The following CNTN4 variants were observed in gnomAD, a reference collection of about 807,000 sequenced individuals.
CNTN4 encodes contactin 4, also known as contactin-4.
A neutral mutation model predicts 122.5 loss-of-function variants in CNTN4; 77 were observed. The ratio of observed to expected loss-of-function variants is 0.63; its 90% CI spans 0.52 to 0.76. The LOEUF (loss-of-function observed/expected upper bound fraction) is 0.76. Ranked by LOEUF, CNTN4 falls within the 30% of genes least tolerant of loss-of-function variation. The pLI, the probability that CNTN4 is intolerant of heterozygous loss-of-function variation, is 0.00. For synonymous variants in CNTN4, 512 were observed against 447.0 expected, an observed-to-expected ratio of 1.15 and a Z score of -1.83; for missense variants, 1,256 against 1,259.1, an observed-to-expected ratio of 1.00 and a Z score of 0.04.
chr3:2,935,770 G>A (rs2094562387), intron 13 of CNTN4, among the ~76,000 whole-genome samples: 1 of 152,158 alleles, frequency 6.6e-6, no homozygotes, highest in Admixed American at 6.6e-5. Flanking sequence ...GAGGCTGAAA[G>A]GGCCATGCTG....
chr3:2,554,078 C>T (rs957033072), intron 3 of CNTN4, among the ~76,000 whole-genome samples: 23 of 152,262 alleles, frequency 1.5e-4, no homozygotes, highest in Non-Finnish European at 3.1e-4. Context: ...CCTTGTTCAG[C>T]TTTACTCCTG....
intron 8 of CNTN4, 110 bp from the exon 9 acceptor site, chr3:2,883,035 T>G: frequency 1.3e-6 from 1 of 745,460 alleles, no homozygotes; most frequent in Non-Finnish European, 2.3e-6. Context: ...AAGGAATTAA[T>G]TGTGCACATA....
Position 2,410,398 on chromosome 3 carries a change from T to C in CNTN4, c.-89+71165T>C, listed in dbSNP as rs375954155. On this transcript the variant is annotated intron_variant, in intron 3 of 24. Coordinates refer to ENST00000418658, the MANE Select transcript of CNTN4 (RefSeq NM_175607.3). ...TCTTCTAACAATCTCTTGAAATCAA[T>C]AATAAAGACAATGGCTTTCTATTCG... is the stretch of plus-strand genomic sequence containing the variant. Among the ~76,000 whole-genome samples, 10 of 152,282 alleles carry C rather than the reference T, an allele frequency of 6.6e-5. No individual in the cohort carries two copies. In the South Asian group the frequency reaches 1.2e-3, roughly 19 times the overall value.
At chr3:2,691,641 T>C (rs1160803605) in intron 4 of CNTN4, among the ~76,000 whole-genome samples, 2 of 152,180 alleles carry the variant, frequency 1.3e-5, no homozygotes, top group Non-Finnish European at 2.9e-5. Context: ...GCTATTTACC[T>C]GGAGCCATTG....
intron 3 of CNTN4, 184 bp from the exon 4 acceptor site, chr3:2,571,232 A>G: frequency 5.9e-6 from 3 of 508,090 alleles, no homozygotes; most frequent in East Asian, 3.6e-5. Context: ...CCCAATTATT[A>G]TCTGCAAGAA....
intron 3 of CNTN4, among the ~76,000 whole-genome samples, chr3:2,399,529 A>G (rs894172075): frequency 3.9e-5 from 6 of 152,116 alleles, no homozygotes; most frequent in Admixed American, 3.3e-4. Context: ...TACTAGTTAC[A>G]TAAGTTCTCT....
chr3:2,770,619 G>T (rs774956015), intron 6 of CNTN4, among the ~76,000 whole-genome samples: 1 of 152,198 alleles, frequency 6.6e-6, no homozygotes, highest in African/African-American at 2.4e-5. Context: ...GCACTGACCC[G>T]TAAGGATTAA....
chr3:2,383,479 A>T (rs917984302), intron 3 of CNTN4, among the ~76,000 whole-genome samples: 1 of 152,114 alleles, frequency 6.6e-6, no homozygotes, highest in Admixed American at 6.5e-5. Flanking sequence ...TTCACGGTTG[A>T]GAAAATTGAG....
chr3:2,653,721 A>G (rs1176625558), intron 4 of CNTN4, among the ~76,000 whole-genome samples: 1 of 152,170 alleles, frequency 6.6e-6, no homozygotes, highest in East Asian at 1.9e-4. Context: ...ACAAGAAGAT[A>G]GTCTTCTTTC....
At chr3:2,900,540 A>T in intron 10 of CNTN4, 145 bp from the exon 11 acceptor site, 3 of 890,396 alleles carry the variant, frequency 3.4e-6, no homozygotes, top group Non-Finnish European at 5.4e-6. Flanking sequence ...CACCTCCCTG[A>T]ATGTCTCCCC....
At chr3:2,678,350 C>CT (rs2150456082) in intron 4 of CNTN4, among the ~76,000 whole-genome samples, 1 of 152,114 alleles carries the variant, frequency 6.6e-6, no homozygotes, top group African/African-American at 2.4e-5. Context: ...TTATCCTGTC[C>CT]TTAATAATAT....
chr3:2,431,609 G>A (rs149240773), intron 3 of CNTN4, among the ~76,000 whole-genome samples: 137 of 152,182 alleles, frequency 9.0e-4, no homozygotes, highest in African/African-American at 3.2e-3. Context: ...CAACTCAGAG[G>A]GACTGAACAC....
At chr3:3,039,852 C>T (rs772544437) in intron 19 of CNTN4, 185 bp from the exon 20 acceptor site, 4 of 623,868 alleles carry the variant, frequency 6.4e-6, no homozygotes, top group East Asian at 3.0e-5. Flanking sequence ...CAACCCTGTC[C>T]AGTACATCAT....
rs1481278433 is a variant in CNTN4, at chr3:2,701,450, T to C, written c.56-34765T>C. On this transcript the variant is annotated intron_variant, in intron 4 of 24. Transcript: ENST00000418658. ...ATTGCCAGTGAAAATGCAGTGGTTT[T>C]CCCCCCAGCGTGGGGTATCATAGAT... Among the ~76,000 whole-genome samples, 4 of 152,242 alleles carry C rather than the reference T, an allele frequency of 2.6e-5. No individual in the cohort carries two copies. In the East Asian group the frequency reaches 7.7e-4, roughly 29 times the overall value.
intron 13 of CNTN4, among the ~76,000 whole-genome samples, chr3:2,954,750 C>T (rs1389561887): frequency 6.6e-6 from 1 of 151,944 alleles, no homozygotes; most frequent in Non-Finnish European, 1.5e-5. Flanking sequence ...TAACAGGTTA[C>T]CACAATTCCA....
intron 14 of CNTN4, among the ~76,000 whole-genome samples, chr3:3,007,283 T>A (rs751606952): frequency 5.3e-5 from 8 of 152,370 alleles, no homozygotes; most frequent in Non-Finnish European, 1.2e-4. Context: ...TTCTGAAGGA[T>A]GGTGGTGTGA....
intron 3 of CNTN4, among the ~76,000 whole-genome samples, chr3:2,557,339 C>T (rs917725745): frequency 5.3e-5 from 8 of 152,180 alleles, no homozygotes; most frequent in African/African-American, 1.9e-4. Context: ...AAGGAGCTTA[C>T]GCTAGTAGTA....
intron 7 of CNTN4, among the ~76,000 whole-genome samples, chr3:2,826,272 C>T (rs1428565753): frequency 6.6e-6 from 1 of 152,146 alleles, no homozygotes; most frequent in Non-Finnish European, 1.5e-5. Context: ...CTGGCATCAT[C>T]CAGGTAATTT....
At chr3:2,705,941 A>T (rs2086702780) in intron 4 of CNTN4, among the ~76,000 whole-genome samples, 1 of 129,174 alleles carries the variant, frequency 7.7e-6, no homozygotes, top group Non-Finnish European at 1.6e-5. Context: ...ATTTATAAAT[A>T]AATATATAAT....
Sources: allele counts gnomAD v4.1 joint callset (sites outside exome capture counted in the v4.1 genomes callset), GRCh38; gene constraint gnomAD v4.1.1; transcripts MANE v1.5; gene names NCBI Gene and HGNC (gene_info 2026-07-23, HGNC 2026-07-21).